The following ERLN variants were observed in gnomAD, a reference collection of about 807,000 sequenced individuals.
The protein encoded by ERLN is small integral membrane protein 6.
the ERLN span, chr17:75,647,815 C>T: frequency 2.3e-6 from 1 of 441,342 alleles, no homozygotes; most frequent in Non-Finnish European, 4.2e-6. Flanking sequence ...CCGACCAGAA[C>T]CCTAAAAGCA....
At chr17:75,647,269 C>T in the ERLN span, 1 of 1,019,256 alleles carries the variant, frequency 9.8e-7, no homozygotes, top group Non-Finnish European at 1.4e-6. Context: ...CGGCTGCTCA[C>T]AGAGGCTGCT....
At chr17:75,647,260 G>A in the ERLN span, 13 of 894,132 alleles carry the variant, frequency 1.5e-5, no homozygotes, top group Admixed American at 2.9e-5. Context: ...CAGGCGGGCC[G>A]GCTGCTCACA....
At chr17:75,646,435 G>A in the ERLN span, 2 of 152,372 alleles carry the variant, frequency 1.3e-5, no homozygotes, top group East Asian at 3.9e-4. Context: ...TCCACCCCAA[G>A]TCTGACTTCT....
chr17:75,646,308 G>A, the ERLN span: 2 of 152,358 alleles, frequency 1.3e-5, no homozygotes, highest in African/African-American at 4.8e-5. Context: ...AGGGCTTCCT[G>A]AGCTCGGGGC....
chr17:75,646,720 A>C, the ERLN span: 4 of 152,330 alleles, frequency 2.6e-5, no homozygotes, highest in African/African-American at 9.7e-5. Context: ...CCCTCCACAA[A>C]GTGTGAGCCT....
the ERLN span, chr17:75,647,684 T>C: frequency 1.0e-6 from 1 of 970,794 alleles, no homozygotes; most frequent in Non-Finnish European, 1.5e-6. Context: ...TGTCTTCCTT[T>C]CCCATCAGGA....
the ERLN span, chr17:75,647,558 A>T: frequency 4.5e-6 from 7 of 1,550,078 alleles, no homozygotes; most frequent in Non-Finnish European, 6.1e-6. Flanking sequence ...GCGGGTGAAG[A>T]GGAGTGACCT....
chr17:75,647,421 C>T, the ERLN span: 1 of 1,550,022 alleles, frequency 6.5e-7, no homozygotes. Context: ...ATGATGCGTT[C>T]TGGCAGAACC....
chr17:75,647,606 G>C, the ERLN span: 1 of 1,539,772 alleles, frequency 6.5e-7, no homozygotes, highest in Non-Finnish European at 8.8e-7. Context: ...GGGGAGGCGA[G>C]CTGACCTGCC....
chr17:75,647,749 G>C, the ERLN span: 1 of 618,498 alleles, frequency 1.6e-6, no homozygotes, highest in Non-Finnish European at 2.9e-6. Flanking sequence ...TAGTAAGATG[G>C]GGAGGCTGGT....
the ERLN span, chr17:75,647,549 C>T: frequency 3.9e-6 from 6 of 1,550,040 alleles, no homozygotes; most frequent in African/African-American, 4.1e-5. Flanking sequence ...CAGTGTGAAG[C>T]GGGTGAAGAG....
At chr17:75,647,236 T>C in the ERLN span, 5 of 679,958 alleles carry the variant, frequency 7.4e-6, no homozygotes, top group Non-Finnish European at 1.2e-5. Context: ...AGCCCTTTCA[T>C]GTCCCCTGGC....
the ERLN span, chr17:75,647,358 C>T: frequency 6.5e-7 from 1 of 1,539,930 alleles, no homozygotes; most frequent in Non-Finnish European, 8.8e-7. Flanking sequence ...GGTCCTCTGT[C>T]CCTCTTTTCC....
At chr17:75,647,759 T>C in the ERLN span, 1 of 596,466 alleles carries the variant, frequency 1.7e-6, no homozygotes, top group South Asian at 2.2e-5. Context: ...GGGAGGCTGG[T>C]CTGAGACCAA....
the ERLN span, chr17:75,647,838 G>T: frequency 2.7e-6 from 1 of 372,998 alleles, no homozygotes; most frequent in Non-Finnish European, 5.1e-6. Flanking sequence ...TGGAGAGGAT[G>T]GCTCCACTGC....
the ERLN span, among the ~76,000 whole-genome samples, chr17:75,646,949 T>C: frequency 6.6e-6 from 1 of 152,214 alleles, no homozygotes; most frequent in African/African-American, 2.4e-5. Context: ...TCGGCTCCTA[T>C]ACGCTCTCTC....
the ERLN span, chr17:75,647,412 T>A: frequency 6.5e-7 from 1 of 1,549,886 alleles, no homozygotes; most frequent in Non-Finnish European, 8.7e-7. Flanking sequence ...CAATCTGGAA[T>A]GATGCGTTCT....
chr17:75,647,693 G>C, the ERLN span: 1 of 866,010 alleles, frequency 1.2e-6, no homozygotes, highest in Non-Finnish European at 1.8e-6. Context: ...TTCCCATCAG[G>C]AAAAAGTCTA....
At chr17:75,647,417 C>T in the ERLN span, 17 of 1,549,718 alleles carry the variant, frequency 1.1e-5, no homozygotes, top group East Asian at 2.4e-5. Flanking sequence ...TGGAATGATG[C>T]GTTCTGGCAG....
Sources: allele counts gnomAD v4.1 joint callset (sites outside exome capture counted in the v4.1 genomes callset), GRCh38; gene constraint gnomAD v4.1.1; transcripts MANE v1.5; gene names NCBI Gene and HGNC (gene_info 2026-07-23, HGNC 2026-07-21).